CLEC5A: variants seen among roughly 807,000 people sequenced by gnomAD.
CLEC5A encodes the protein C-type lectin domain containing 5A.
Under a neutral mutation model 24.4 loss-of-function variants are expected in CLEC5A, and 15 were observed. That is an observed-to-expected ratio of 0.62 (90% CI 0.41 to 0.95). CLEC5A has a LOEUF of 0.95. Among genes scored for constraint, CLEC5A ranks in the 40% least tolerant of loss-of-function variants. CLEC5A has a pLI of 0.00. For synonymous variants in CLEC5A, 71 were observed against 72.6 expected (o/e 0.98, Z 0.11); for missense variants, 211 against 224.0 (o/e 0.94, Z 0.37).
At chr7:141,936,106 G>A (rs1802615781) in intron 4 of CLEC5A, 156 bp from the exon 5 acceptor site, 2 of 663,680 alleles carry the variant, frequency 3.0e-6, no homozygotes, top group South Asian at 3.5e-5. Flanking sequence ...ACCCAGTCTA[G>A]TCTGGTTCCT....
chr7:141,934,404 GAGTACTCACCAGTAT>G (rs1359003566), intron 5 of CLEC5A, among the ~76,000 whole-genome samples: 1 of 152,154 alleles, frequency 6.6e-6, no homozygotes. Flanking sequence ...TGGGTGACAT[GAGTACTCACCAGTAT>G]TTGGAATGCA....
At chr7:141,941,024 T>A (rs1359863979) in intron 4 of CLEC5A, among the ~76,000 whole-genome samples, 2 of 152,114 alleles carry the variant, frequency 1.3e-5, no homozygotes, top group African/African-American at 4.8e-5. Flanking sequence ...ATACCAATCC[T>A]ACTCAAACTG....
chr7:141,945,630 A>G (rs1398704899), intron 2 of CLEC5A, among the ~76,000 whole-genome samples: 3 of 152,198 alleles, frequency 2.0e-5, no homozygotes, highest in Non-Finnish European at 4.4e-5. Context: ...TTGCATCATG[A>G]GGAAGACACC....
chr7:141,935,376 C>G (rs6962072), intron 5 of CLEC5A, among the ~76,000 whole-genome samples: 4,510 of 152,190 alleles, frequency 0.03, 217 homozygotes, highest in African/African-American at 0.1. Context: ...CTGATTCTTA[C>G]TTTTTCACAC....
chr7:141,943,828 G>T, intron 4 of CLEC5A, 68 bp downstream of exon 4: 3 of 1,099,440 alleles, frequency 2.7e-6, no homozygotes, highest in Non-Finnish European at 4.2e-6. Context: ...GACAATGGGA[G>T]AAATCTCTAA....
At chr7:141,936,054 A>C (rs1449354318) in intron 4 of CLEC5A, 104 bp from the exon 5 acceptor site, 2 of 939,766 alleles carry the variant, frequency 2.1e-6, no homozygotes, top group African/African-American at 3.3e-5. Context: ...TGTTTTAACA[A>C]TTATATTGGT....
chr7:141,942,185 A>G (rs1802814142), intron 4 of CLEC5A, among the ~76,000 whole-genome samples: 1 of 152,144 alleles, frequency 6.6e-6, no homozygotes, highest in Admixed American at 6.6e-5. Flanking sequence ...AAATTATACT[A>G]CAGAGCTTTA....
intron 2 of CLEC5A, 192 bp downstream of exon 2, chr7:141,946,022 A>G (rs998254126): frequency 2.2e-5 from 13 of 599,230 alleles, no homozygotes; most frequent in Middle Eastern, 2.6e-4. Flanking sequence ...TCCAAGGTAG[A>G]CCAAGGAGCC....
At position 141,929,806 on chromosome 7, in the gene CLEC5A, G is replaced by A. The variant is rs1554440026; in HGVS notation, c.*298C>T. Reference sequence around the variant, plus strand: ...TCCCTAGTAGTATGGTATACTCTGAGGCTAAAATAAAACAAACCCTGTCAA... The same window carrying A: ...TCCCTAGTAGTATGGTATACTCTGAAGCTAAAATAAAACAAACCCTGTCAA... On this transcript the variant is annotated 3_prime_UTR_variant, in exon 7 of 7. Coordinates refer to ENST00000546910, the MANE Select transcript of CLEC5A (RefSeq NM_013252.3). 7.1e-6 allele frequency: 2 copies of A among 283,206 alleles called. No homozygotes were observed. Among genetic ancestry groups the A allele is most frequent in the East Asian group, 1.7e-4 (2 of 11,810 alleles). The allele number at this position is 283,206 out of a possible 1,614,324, so 17.5% of individuals were successfully genotyped here. A position where few individuals can be genotyped will look rare whatever the true frequency, so the allele number is the denominator to read the frequency against.
At chr7:141,945,621 T>C (rs1395125378) in intron 2 of CLEC5A, among the ~76,000 whole-genome samples, 9 of 152,208 alleles carry the variant, frequency 5.9e-5, no homozygotes, top group African/African-American at 1.4e-4. Flanking sequence ...ACCTTCAGAT[T>C]GCATCATGAG....
chr7:141,929,900 C>G lies in CLEC5A; in HGVS notation c.*204G>C. 4 of 551,180 alleles carry G rather than the reference C, an allele frequency of 7.3e-6. No homozygotes were observed. Among genetic ancestry groups the G allele is most frequent in the Non-Finnish European group, 1.3e-5 (4 of 307,924 alleles). 34.1% of individuals were successfully genotyped at this position (551,180 alleles called of 1,614,324 possible). A position where few individuals can be genotyped will look rare whatever the true frequency, so the allele number is the denominator to read the frequency against. ...GAAGCGGACCTCATCTCTATACTAA[C>G]TGAGTTGTTTCCGTAAAACTGATCC... is the stretch of plus-strand genomic sequence containing the variant. On this transcript the variant is annotated 3_prime_UTR_variant, in exon 7 of 7. Coordinates refer to ENST00000546910, the MANE Select transcript of CLEC5A (RefSeq NM_013252.3).
rs536753389 is a variant in CLEC5A at position 141,941,209 on chromosome 7, T to C, written c.208+2687A>G. On this transcript the variant is annotated intron_variant, in intron 4 of 6. Coordinates refer to ENST00000546910, the MANE Select transcript of CLEC5A (RefSeq NM_013252.3). Reference sequence around the variant, plus strand: ...TACTAGCAAGCTGAATTCAACAACATATTAAAAAGATCATTCATCACGACC... The same window carrying C: ...TACTAGCAAGCTGAATTCAACAACACATTAAAAAGATCATTCATCACGACC... Among the ~76,000 whole-genome samples the C allele has an allele frequency of 2.8e-4, 42 of 152,028 alleles. 1 individual carries two copies. The highest frequency in any genetic ancestry group is 9.6e-4 in the African/African-American group (40 of 41,486).
At position 141,931,702 on chromosome 7, in the gene CLEC5A, T is replaced by A. The variant is rs564782128; in HGVS notation, c.452+18A>T. Reference sequence around the variant, plus strand: ...AAGCAAACCAAGATCCCCAGGAAACTGTGGCATGTTCACGTACTTGCCATT... The same window carrying A: ...AAGCAAACCAAGATCCCCAGGAAACAGTGGCATGTTCACGTACTTGCCATT... On this transcript the variant is annotated intron_variant, in intron 6 of 6. Coordinates refer to ENST00000546910, the MANE Select transcript of CLEC5A (RefSeq NM_013252.3). 1 of 1,329,802 alleles carries A rather than the reference T, an allele frequency of 7.5e-7. No homozygotes were observed. The highest frequency in any genetic ancestry group is 1.1e-6 in the Non-Finnish European group (1 of 920,748). 82.4% of individuals were successfully genotyped at this position (1,329,802 alleles called of 1,614,324 possible). A position where few individuals can be genotyped will look rare whatever the true frequency, so the allele number is the denominator to read the frequency against.
rs1802605308 is a variant in CLEC5A, at chr7:141,935,871, C to T, written c.288G>A (p.Arg96=). The part of the protein sequence containing the change: ...STSESSWNES[R]DFCKGKGSTL... ...TGGATCCTTTTCCTTTGCAAAAGTC[C>T]CTGCTTTCATTCCAAGATGATTCAG... is the stretch of plus-strand genomic sequence containing the variant. Residue 96 remains arginine, a synonymous_variant, in exon 5 of 7, where the codon AGG becomes AGA. Coordinates refer to ENST00000546910, the MANE Select transcript of CLEC5A (RefSeq NM_013252.3). 6.2e-7 allele frequency: 1 copy of T among 1,613,576 alleles called. No individual in the cohort carries two copies. The highest frequency in any genetic ancestry group is 8.5e-7 in the Non-Finnish European group (1 of 1,179,692).
chr7:141,939,766 G>A (rs996434059), intron 4 of CLEC5A, among the ~76,000 whole-genome samples: 2 of 152,008 alleles, frequency 1.3e-5, no homozygotes, highest in South Asian at 4.1e-4. Flanking sequence ...AATGGAAACC[G>A]AAAAGGAGCA....
At chr7:141,946,114 C>T in intron 2 of CLEC5A, 100 bp downstream of exon 2, 1 of 1,324,034 alleles carries the variant, frequency 7.6e-7, no homozygotes, top group Non-Finnish European at 1.0e-6. Context: ...GGTGGAAAGA[C>T]TTGGATATGT....
intron 5 of CLEC5A, among the ~76,000 whole-genome samples, chr7:141,934,712 G>A (rs575719684): frequency 9.4e-5 from 12 of 127,690 alleles, no homozygotes; most frequent in African/African-American, 1.8e-4. Flanking sequence ...TGCAGCCTCC[G>A]CCTCCTGGAT....
chr7:141,944,056 T>C, intron 3 of CLEC5A, 92 bp from the exon 4 acceptor site: 1 of 795,200 alleles, frequency 1.3e-6, no homozygotes, highest in Non-Finnish European at 2.3e-6. Context: ...CTCTGAATCA[T>C]GGAGATGACA....
At chr7:141,943,712 A>C (rs187300233) in intron 4 of CLEC5A, among the ~76,000 whole-genome samples, 184 bp downstream of exon 4, 2 of 152,236 alleles carry the variant, frequency 1.3e-5, no homozygotes, top group East Asian at 3.9e-4. Flanking sequence ...TATACCTACT[A>C]TGTACTGAGA....
Sources: gnomAD v4.1 joint callset for allele counts (sites outside exome capture counted in the v4.1 genomes callset) on GRCh38, gnomAD v4.1.1 for gene constraint, MANE v1.5 for transcripts, NCBI Gene and HGNC (gene_info 2026-07-23, HGNC 2026-07-21) for gene names.